The following NUP93 variants were observed in gnomAD, a reference collection of about 807,000 sequenced individuals.
NUP93 encodes the protein nucleoporin 93.
In NUP93, 55 loss-of-function variants were observed where a neutral mutation model predicts 107.8. The observed-to-expected ratio is 0.51, with a 90% CI of 0.41 to 0.64. The LOEUF (loss-of-function observed/expected upper bound fraction) is 0.64. Among genes scored for constraint, NUP93 ranks in the 30% least tolerant of loss-of-function variants. The pLI is 0.00. For missense variants in NUP93, 937 were observed against 1,044.7 expected (o/e 0.90, Z 1.42); for synonymous variants, 390 against 397.5 (o/e 0.98, Z 0.22).
At chr16:56,838,747 G>T (rs1331375354) in intron 18 of NUP93, among the ~76,000 whole-genome samples, 1 of 152,032 alleles carries the variant, frequency 6.6e-6, no homozygotes, top group Non-Finnish European at 1.5e-5. Context: ...TTAATATTTT[G>T]TGGAGATGGG....
At chr16:56,837,327 C>T (rs1963931239) in intron 17 of NUP93, among the ~76,000 whole-genome samples, 1 of 152,216 alleles carries the variant, frequency 6.6e-6, no homozygotes, top group African/African-American at 2.4e-5. Context: ...CTTTGGGAGG[C>T]CAAGGCAGGC....
intron 3 of NUP93, among the ~76,000 whole-genome samples, chr16:56,777,783 A>AT (rs1226603724): frequency 2.0e-5 from 3 of 152,192 alleles, no homozygotes; most frequent in Admixed American, 6.5e-5. Flanking sequence ...GCCTCGGTAC[A>AT]TTGGCCAAGA....
intron 3 of NUP93, among the ~76,000 whole-genome samples, chr16:56,784,971 C>T (rs1008093461): frequency 2.6e-5 from 4 of 152,286 alleles, no homozygotes; most frequent in Middle Eastern, 3.4e-3. Flanking sequence ...TAGAATCCTA[C>T]AAGATCCATA....
At chr16:56,835,495 C>A (rs1454928519) in intron 16 of NUP93, among the ~76,000 whole-genome samples, 1 of 152,238 alleles carries the variant, frequency 6.6e-6, no homozygotes, top group Non-Finnish European at 1.5e-5. Flanking sequence ...TGGGCAGTGA[C>A]AATCAACAGG....
intron 3 of NUP93, among the ~76,000 whole-genome samples, chr16:56,774,375 C>T (rs1962374623): frequency 6.6e-6 from 1 of 152,076 alleles, no homozygotes; most frequent in African/African-American, 2.4e-5. Context: ...CCCAGCTCCT[C>T]TCATTCTCAT....
rs1963807809 is a variant in NUP93, at chr16:56,832,194, T to C, written c.1252-101T>C. The C allele has an allele frequency of 3.2e-6, 4 of 1,263,280 alleles. No individual in the cohort carries two copies. In the South Asian group the frequency reaches 4.9e-5, roughly 15 times the overall value. The allele number at this position is 1,263,280 out of a possible 1,614,324, so 78.3% of individuals were successfully genotyped here. A position where few individuals can be genotyped will look rare whatever the true frequency, so the allele number is the denominator to read the frequency against. On this transcript the variant is annotated intron_variant, in intron 11 of 21. Coordinates refer to ENST00000308159, the MANE Select transcript of NUP93 (RefSeq NM_014669.5). ...TAACCATAGCCTTAAACACAGCTTC[T>C]AGCTGACATCATTGAGCATGGCTGC... is the stretch of plus-strand genomic sequence containing the variant.
At chr16:56,757,210 G>C (rs1196250540) in intron 2 of NUP93, among the ~76,000 whole-genome samples, 1 of 152,210 alleles carries the variant, frequency 6.6e-6, no homozygotes, top group Non-Finnish European at 1.5e-5. Context: ...TATACCTGTA[G>C]GTGTTAGGGT....
intron 2 of NUP93, among the ~76,000 whole-genome samples, chr16:56,753,986 T>TA (rs1296385519): frequency 6.6e-6 from 1 of 151,828 alleles, no homozygotes; most frequent in Non-Finnish European, 1.5e-5. Flanking sequence ...TTTTTTTTTT[T>TA]AATGAAGAAA....
intron 3 of NUP93, among the ~76,000 whole-genome samples, chr16:56,780,367 A>G (rs1282160329): frequency 6.6e-6 from 1 of 152,224 alleles, no homozygotes; most frequent in South Asian, 2.1e-4. Flanking sequence ...TGTTATCACA[A>G]TGAATAAAAC....
At chr16:56,786,700 A>AG (rs1962635170) in intron 3 of NUP93, among the ~76,000 whole-genome samples, 1 of 152,044 alleles carries the variant, frequency 6.6e-6, no homozygotes, top group Admixed American at 6.5e-5. Context: ...TGAACGGTGA[A>AG]GTCTCCTGGG....
intron 15 of NUP93, 136 bp downstream of exon 15, chr16:56,834,578 A>G (rs1214368903): frequency 1.8e-6 from 2 of 1,135,996 alleles, no homozygotes; most frequent in African/African-American, 3.1e-5. Context: ...TTTGGTTTCT[A>G]ACAATGAAAA....
chr16:56,742,669 C>T (rs1187907759), intron 1 of NUP93, among the ~76,000 whole-genome samples: 1 of 152,230 alleles, frequency 6.6e-6, no homozygotes, highest in African/African-American at 2.4e-5. Flanking sequence ...AAGTGTTTGG[C>T]AGATATGTCT....
intron 3 of NUP93, among the ~76,000 whole-genome samples, chr16:56,787,786 A>G (rs1962661013): frequency 6.6e-6 from 1 of 152,176 alleles, no homozygotes; most frequent in African/African-American, 2.4e-5. Context: ...GGATTAATGC[A>G]TTTCCAAGGT....
chr16:56,835,177 AG>A (rs1963884931), intron 16 of NUP93, among the ~76,000 whole-genome samples: 1 of 152,224 alleles, frequency 6.6e-6, no homozygotes, highest in Admixed American at 6.5e-5. Context: ...TTCAAAATGC[AG>A]TTTCCAAGGG....
At chr16:56,807,618 T>G (rs1021359354) in intron 5 of NUP93, among the ~76,000 whole-genome samples, 2 of 152,206 alleles carry the variant, frequency 1.3e-5, no homozygotes, top group Non-Finnish European at 2.9e-5. Context: ...AAGCAGTGTA[T>G]TATAGAATGA....
intron 3 of NUP93, among the ~76,000 whole-genome samples, chr16:56,764,850 A>C (rs1315969252): frequency 6.6e-6 from 1 of 152,238 alleles, no homozygotes; most frequent in Non-Finnish European, 1.5e-5. Flanking sequence ...CTGAATGGGT[A>C]AACAGTATCT....
chr16:56,818,876 T>C (rs1262952418), intron 6 of NUP93, 138 bp downstream of exon 6: 3 of 655,842 alleles, frequency 4.6e-6, no homozygotes, highest in Non-Finnish European at 8.1e-6. Flanking sequence ...GTTAATATTT[T>C]AGCATAGGCC....
chr16:56,831,181 G>A (rs1261880281), intron 10 of NUP93, among the ~76,000 whole-genome samples: 1 of 152,172 alleles, frequency 6.6e-6, no homozygotes, highest in Non-Finnish European at 1.5e-5. Flanking sequence ...TTAAGGAACT[G>A]CTAAGCATTA....
chr16:56,754,825 G>C (rs1961988625), intron 2 of NUP93, among the ~76,000 whole-genome samples: 1 of 152,190 alleles, frequency 6.6e-6, no homozygotes, highest in South Asian at 2.1e-4. Flanking sequence ...CTCCATGAGG[G>C]CTCTGCCCCT....
Sources: allele counts gnomAD v4.1 joint callset (sites outside exome capture counted in the v4.1 genomes callset), GRCh38; gene constraint gnomAD v4.1.1; transcripts MANE v1.5; gene names NCBI Gene and HGNC (gene_info 2026-07-23, HGNC 2026-07-21).